PLA2G4E: variants seen among roughly 807,000 people sequenced by gnomAD.
PLA2G4E encodes the protein cytosolic phospholipase A2 epsilon.
PLA2G4E carries 84 observed loss-of-function variants against 109.1 expected under a neutral mutation model. The ratio of observed to expected loss-of-function variants is 0.77; its 90% CI spans 0.65 to 0.92. PLA2G4E has a LOEUF of 0.92. Ranked by LOEUF, PLA2G4E falls within the 40% of genes least tolerant of loss-of-function variation. PLA2G4E has a pLI of 0.00. For missense variants in PLA2G4E, 1,057 were observed against 1,076.6 expected (o/e 0.98, Z 0.25); for synonymous variants, 469 against 436.1 (o/e 1.08, Z -0.94).
intron 16 of PLA2G4E, among the ~76,000 whole-genome samples, chr15:41,987,846 G>T (rs1439682890): frequency 6.6e-6 from 1 of 152,098 alleles, no homozygotes; most frequent in Non-Finnish European, 1.5e-5. Context: ...CTCGGTTTGT[G>T]GTCCACACCC....
chr15:42,005,015 G>A lies in PLA2G4E; in HGVS notation c.526-37C>T, dbSNP rs191896077. Reference sequence around the variant, plus strand: ...GGGAGGGAAGGCAGCTGTGAGTGGCGTCTGCACATCTCTGCTGACCAGAAC... The same window carrying A: ...GGGAGGGAAGGCAGCTGTGAGTGGCATCTGCACATCTCTGCTGACCAGAAC... On this transcript the variant is annotated intron_variant, in intron 4 of 19. Transcript: ENST00000399518. The A allele has an allele frequency of 1.7e-4, 280 of 1,607,980 alleles. 1 individual carries two copies. In the African/African-American group the frequency reaches 3.3e-3, roughly 19 times the overall value.
chr15:42,041,634 T>C (rs1889318451), intron 1 of PLA2G4E, among the ~76,000 whole-genome samples: 2 of 152,140 alleles, frequency 1.3e-5, no homozygotes, highest in South Asian at 2.1e-4. Flanking sequence ...AGAGAGGAAA[T>C]ATGCCCTAAA....
At chr15:42,049,026 C>A (rs1265819750) in intron 1 of PLA2G4E, among the ~76,000 whole-genome samples, 1 of 152,324 alleles carries the variant, frequency 6.6e-6, no homozygotes, top group East Asian at 1.9e-4. Context: ...TTCCCATCCC[C>A]CTCCAGCGTA....
At chr15:41,990,145 C>A in exon 14 of PLA2G4E, 1 of 1,613,452 alleles carries the variant, frequency 6.2e-7, no homozygotes. Flanking sequence ...TTGCTTACAT[C>A]ATCCTTGACA....
intron 1 of PLA2G4E, among the ~76,000 whole-genome samples, chr15:42,040,106 G>A (rs1724721560): frequency 6.6e-6 from 1 of 152,114 alleles, no homozygotes; most frequent in African/African-American, 2.4e-5. Context: ...GGAGGCCGAG[G>A]TGGAGGATTG....
chr15:42,036,070 T>G lies in PLA2G4E; in HGVS notation c.183+14451A>C, dbSNP rs190001319. Among the ~76,000 whole-genome samples, 89 of 152,370 alleles carry G rather than the reference T, an allele frequency of 5.8e-4. 1 individual carries two copies. Among genetic ancestry groups the G allele is most frequent in the African/African-American group, 2.1e-3 (87 of 41,588 alleles). ...AACAATAGATATGGTTCATTCATTT[T>G]CACAGTTGTGACCTATTCCACAACT... is the stretch of plus-strand genomic sequence containing the variant. On this transcript the variant is annotated intron_variant, in intron 1 of 19. Transcript: ENST00000399518.
At chr15:41,983,693 T>C in exon 20 of PLA2G4E, 2 of 1,447,044 alleles carry the variant, frequency 1.4e-6, no homozygotes, top group African/African-American at 1.4e-5. Context: ...TGGTCAGCCC[T>C]GAGGGGTCCT....
intron 1 of PLA2G4E, among the ~76,000 whole-genome samples, chr15:42,037,996 A>T (rs1889248158): frequency 6.6e-6 from 1 of 152,232 alleles, no homozygotes; most frequent in Non-Finnish European, 1.5e-5. Context: ...AGCGGACCCA[A>T]GCAAAACTTG....
At chr15:42,013,655 G>GAGC in intron 2 of PLA2G4E, 30 bp downstream of exon 2, 1 of 1,406,806 alleles carries the variant, frequency 7.1e-7, no homozygotes, top group South Asian at 1.3e-5. Flanking sequence ...CCGGTAAGCA[G>GAGC]AGAAGGAGAG....
intron 7 of PLA2G4E, among the ~76,000 whole-genome samples, chr15:42,000,924 C>T (rs1485639730): frequency 6.6e-6 from 1 of 152,156 alleles, no homozygotes; most frequent in Non-Finnish European, 1.5e-5. Context: ...GACCCCAGAC[C>T]TGAGATACTC....
At chr15:42,048,523 C>G (rs900305468) in intron 1 of PLA2G4E, among the ~76,000 whole-genome samples, 2 of 152,140 alleles carry the variant, frequency 1.3e-5, no homozygotes, top group African/African-American at 4.8e-5. Flanking sequence ...CTTTCTGCTC[C>G]CCCTCAAGCA....
At chr15:42,019,390 C>A (rs1277382511) in intron 1 of PLA2G4E, among the ~76,000 whole-genome samples, 2 of 152,240 alleles carry the variant, frequency 1.3e-5, no homozygotes, top group African/African-American at 4.8e-5. Context: ...CTGACAACCA[C>A]ATTTCAGAGG....
At chr15:41,991,954 G>A (rs2068255861) in intron 13 of PLA2G4E, among the ~76,000 whole-genome samples, 1 of 152,154 alleles carries the variant, frequency 6.6e-6, no homozygotes, top group African/African-American at 2.4e-5. Flanking sequence ...AACACCCCTT[G>A]GAGATCCCTG....
intron 1 of PLA2G4E, among the ~76,000 whole-genome samples, chr15:42,047,467 T>C (rs944293666): frequency 6.6e-6 from 1 of 152,164 alleles, no homozygotes; most frequent in African/African-American, 2.4e-5. Flanking sequence ...GAAAACGACA[T>C]GAATTCATCC....
intron 2 of PLA2G4E, among the ~76,000 whole-genome samples, chr15:42,011,435 T>C (rs1454547860): frequency 6.6e-6 from 1 of 151,946 alleles, no homozygotes; most frequent in African/African-American, 2.4e-5. Context: ...TCAAAAGGAG[T>C]TGGAGGGCTG....
At chr15:42,033,821 G>C (rs1037791463) in intron 1 of PLA2G4E, among the ~76,000 whole-genome samples, 1 of 152,168 alleles carries the variant, frequency 6.6e-6, no homozygotes, top group Non-Finnish European at 1.5e-5. Context: ...GCCCTGGTGG[G>C]GATGGGCTCA....
intron 6 of PLA2G4E, among the ~76,000 whole-genome samples, 176 bp downstream of exon 6, chr15:42,002,478 G>A (rs948888580): frequency 2.0e-5 from 3 of 152,050 alleles, no homozygotes; most frequent in African/African-American, 4.8e-5. Context: ...GCCCCAGCTC[G>A]TGCCCCAGTG....
At chr15:42,004,611 C>G (rs1281530900) in intron 5 of PLA2G4E, among the ~76,000 whole-genome samples, 1 of 152,138 alleles carries the variant, frequency 6.6e-6, no homozygotes, top group Non-Finnish European at 1.5e-5. Context: ...CAACAAGGCC[C>G]CCATCGCCAT....
intron 1 of PLA2G4E, among the ~76,000 whole-genome samples, chr15:42,032,805 G>A (rs944647589): frequency 2.0e-5 from 3 of 152,190 alleles, no homozygotes; most frequent in Admixed American, 6.5e-5. Context: ...ATGTCAGAAA[G>A]GAGGAACACA....
Sources: gnomAD v4.1 joint callset for allele counts (sites outside exome capture counted in the v4.1 genomes callset) on GRCh38, gnomAD v4.1.1 for gene constraint, MANE v1.5 for transcripts, NCBI Gene and HGNC (gene_info 2026-07-23, HGNC 2026-07-21) for gene names.